The following RFC3 variants were observed in gnomAD, a reference collection of about 807,000 sequenced individuals.
RFC3 encodes the protein A1 38 kDa subunit.
In RFC3, 41 loss-of-function variants were observed where a neutral mutation model predicts 45.1. That is an observed-to-expected ratio of 0.91 (90% CI 0.71 to 1.18). The LOEUF (loss-of-function observed/expected upper bound fraction) is 1.18. RFC3 is among the 50% of genes most tolerant of loss of function. The pLI, the probability that RFC3 is intolerant of heterozygous loss-of-function variation, is 0.00. For missense variants in RFC3, 423 were observed against 428.1 expected (o/e 0.99, Z 0.10); for synonymous variants, 149 against 144.0 (o/e 1.03, Z -0.25).
downstream of RFC3, among the ~76,000 whole-genome samples, chr13:33,968,829 G>A (rs190526800): frequency 2.6e-5 from 4 of 152,260 alleles, no homozygotes; most frequent in South Asian, 2.1e-4. Context: ...GGAAGTTCTG[G>A]TTATTAAAGA....
intron 8 of RFC3, chr13:33,850,039 T>A (rs1566394639): frequency 6.6e-6 from 1 of 152,232 alleles, no homozygotes; most frequent in African/African-American, 2.4e-5. Context: ...TGTTTTCAAT[T>A]ATTAATTGTC....
intron 8 of RFC3, among the ~76,000 whole-genome samples, chr13:33,920,509 GC>G (rs1454448001): frequency 6.9e-6 from 1 of 144,218 alleles, no homozygotes; most frequent in African/African-American, 2.6e-5. Flanking sequence ...GTTCACTGCA[GC>G]CTGGACCTCC....
At chr13:33,891,285 A>G (rs1420325618) in intron 8 of RFC3, among the ~76,000 whole-genome samples, 1 of 152,144 alleles carries the variant, frequency 6.6e-6, no homozygotes, top group Non-Finnish European at 1.5e-5. Flanking sequence ...AAGCAACTCT[A>G]CCAACCTTGG....
At chr13:33,935,799 A>G (rs1489976817) in intron 8 of RFC3, among the ~76,000 whole-genome samples, 1 of 152,172 alleles carries the variant, frequency 6.6e-6, no homozygotes, top group Middle Eastern at 3.2e-3. Flanking sequence ...AGGAACAAAC[A>G]AAAAAACCAA....
At chr13:33,888,250 A>G (rs1251497679) in intron 8 of RFC3, among the ~76,000 whole-genome samples, 1 of 152,196 alleles carries the variant, frequency 6.6e-6, no homozygotes, top group Non-Finnish European at 1.5e-5. Flanking sequence ...TTCAGGGGGC[A>G]CCATTACATA....
chr13:33,931,070 A>T (rs2082848942), intron 8 of RFC3, among the ~76,000 whole-genome samples: 1 of 152,044 alleles, frequency 6.6e-6, no homozygotes, highest in Admixed American at 6.6e-5. Flanking sequence ...TAGGACTTAG[A>T]TGCTATTAAT....
chr13:33,884,521 C>A (rs763984606), intron 8 of RFC3, among the ~76,000 whole-genome samples: 1 of 152,130 alleles, frequency 6.6e-6, no homozygotes, highest in Admixed American at 6.6e-5. Flanking sequence ...TGTCTCTGAC[C>A]GTCAGAAATA....
intron 8 of RFC3, among the ~76,000 whole-genome samples, chr13:33,906,121 TGTAA>T (rs974548900): frequency 1.4e-4 from 22 of 152,222 alleles, no homozygotes; most frequent in African/African-American, 4.6e-4. Flanking sequence ...ATTCTGTTTG[TGTAA>T]GTGTCACATT....
At chr13:33,818,518 CAA>C (rs1269152995) in intron 1 of RFC3, among the ~76,000 whole-genome samples, 1 of 152,218 alleles carries the variant, frequency 6.6e-6, no homozygotes, top group Non-Finnish European at 1.5e-5. Flanking sequence ...GAAATCCGAG[CAA>C]AGAGTGGAAC....
intron 8 of RFC3, among the ~76,000 whole-genome samples, chr13:33,950,990 C>T (rs1040389658): frequency 2.0e-4 from 30 of 150,426 alleles, no homozygotes; most frequent in African/African-American, 7.3e-4. Context: ...CCTGTGGCTG[C>T]CAAAGTTCTT....
chr13:33,856,477 G>C (rs1304946559), intron 8 of RFC3, among the ~76,000 whole-genome samples: 1 of 152,140 alleles, frequency 6.6e-6, no homozygotes, highest in Non-Finnish European at 1.5e-5. Context: ...ATGTATACCT[G>C]AACTTAAAAT....
rs117179618 is a variant in RFC3, at chr13:33,883,082, A to G, written c.879+47865A>G. ...AAAAAGCTGCTGTGAATATTTGTGCACAGGTTTGTGGGCAAATGTAACTTT... is the reference window on the plus strand; with the variant it reads ...AAAAAGCTGCTGTGAATATTTGTGCGCAGGTTTGTGGGCAAATGTAACTTT... On this transcript the variant is annotated intron_variant, in intron 8 of 8. Transcript: ENST00000434425. Among the ~76,000 whole-genome samples, 78 of 152,338 alleles carry G rather than the reference A, an allele frequency of 5.1e-4. 2 individuals are homozygous for G. In the East Asian group the frequency reaches 0.015, roughly 29 times the overall value.
chr13:33,977,251 G>A, the RFC3 span, among the ~76,000 whole-genome samples: 6 of 152,044 alleles, frequency 3.9e-5, no homozygotes, highest in African/African-American at 7.2e-5. Flanking sequence ...CATTAACTGC[G>A]GTCTATCTAT....
At chr13:33,886,552 AAAAG>A (rs1482091564) in intron 8 of RFC3, among the ~76,000 whole-genome samples, 1 of 151,594 alleles carries the variant, frequency 6.6e-6, no homozygotes, top group Non-Finnish European at 1.5e-5. Flanking sequence ...AAAAAAAAAA[AAAAG>A]AAAAAAAACC....
intron 4 of RFC3, among the ~76,000 whole-genome samples, chr13:33,829,297 C>T (rs540975299): frequency 6.6e-6 from 1 of 152,186 alleles, no homozygotes; most frequent in Non-Finnish European, 1.5e-5. Flanking sequence ...TCTTGCACCA[C>T]TGTCTTCCAA....
rs1257217628 is a variant in RFC3 at position 33,924,703 on chromosome 13, GTA to G, written c.880-41382_880-41381del. Among the ~76,000 whole-genome samples, 216 of 127,574 alleles carry G rather than the reference GTA, an allele frequency of 1.7e-3. 1 individual carries two copies. The highest frequency in any genetic ancestry group is 2.7e-3 in the Non-Finnish European group (176 of 65,942). The allele number at this position is 127,574 out of a possible 152,430, so 83.7% of individuals were successfully genotyped here. ...ATATATATGTATACCATCATTGTGT[GTA>G]TGTGTGTGTGTGTGTGTGTGTGTAT... On this transcript the variant is annotated intron_variant, in intron 8 of 8. Transcript: ENST00000434425.
intron 8 of RFC3, among the ~76,000 whole-genome samples, chr13:33,918,561 A>G (rs2082747559): frequency 6.6e-6 from 1 of 152,196 alleles, no homozygotes; most frequent in Admixed American, 6.5e-5. Context: ...AAAATGACAT[A>G]GAAATGTTGC....
the RFC3 span, among the ~76,000 whole-genome samples, chr13:33,975,554 G>T: frequency 2.3e-4 from 35 of 152,258 alleles, 2 homozygotes; most frequent in South Asian, 7.0e-3. Context: ...CTCTTAAGAG[G>T]TCTGGAAATC....
chr13:33,820,584 C>T (rs923145973), intron 1 of RFC3, among the ~76,000 whole-genome samples: 2 of 152,136 alleles, frequency 1.3e-5, no homozygotes, highest in Admixed American at 1.3e-4. Context: ...TGTTTCGCAT[C>T]CCCACTCTCC....
Sources: gnomAD v4.1 joint callset for allele counts (sites outside exome capture counted in the v4.1 genomes callset) on GRCh38, gnomAD v4.1.1 for gene constraint, MANE v1.5 for transcripts, NCBI Gene and HGNC (gene_info 2026-07-23, HGNC 2026-07-21) for gene names.